Variants in AKR7A3 observed in about 807,000 individuals in gnomAD.
The protein encoded by AKR7A3 is AFB1 aldehyde reductase 2.
In AKR7A3, 37 loss-of-function variants were observed where a neutral mutation model predicts 32.5. The ratio of observed to expected loss-of-function variants is 1.14; its 90% confidence interval spans 0.88 to 1.50. The LOEUF (loss-of-function observed/expected upper bound fraction) is 1.50, where lower values mean the gene tolerates loss of function less well. AKR7A3 is among the 40% of genes most tolerant of loss of function. AKR7A3 has a pLI of 0.00. For missense variants in AKR7A3, 412 were observed against 453.2 expected, an observed-to-expected ratio of 0.91 and a Z score of 0.83; for synonymous variants, 177 against 188.4, an observed-to-expected ratio of 0.94 and a Z score of 0.50.
chr1:19,277,546 A>T, the AKR7A3 span, among the ~76,000 whole-genome samples: 40 of 151,732 alleles, frequency 2.6e-4, no homozygotes, highest in Non-Finnish European at 4.7e-4. Context: ...TTTTGAGACA[A>T]AGTCTCGCTC....
chr1:19,283,961 A>C, intron 6 of AKR7A3, 35 bp downstream of exon 6: 1 of 1,612,010 alleles, frequency 6.2e-7, no homozygotes, highest in Non-Finnish European at 8.5e-7. Flanking sequence ...TTCCCCTGGA[A>C]GGGAAGAAGC....
At chr1:19,278,069 T>C (rs1451036474), downstream of AKR7A3, among the ~76,000 whole-genome samples, 3 of 151,892 alleles carry the variant, frequency 2.0e-5, no homozygotes, top group African/African-American at 7.3e-5. Context: ...TACTCCAGTA[T>C]TTTCTTCTAA....
downstream of AKR7A3, among the ~76,000 whole-genome samples, chr1:19,281,109 C>T (rs757608877): frequency 4.6e-5 from 7 of 150,802 alleles, no homozygotes; most frequent in South Asian, 2.1e-4. Flanking sequence ...GGCCTGATCT[C>T]GGCTCACTGC....
chr1:19,277,721 A>G (rs1480223365), downstream of AKR7A3, among the ~76,000 whole-genome samples: 1 of 151,898 alleles, frequency 6.6e-6, no homozygotes, highest in African/African-American at 2.4e-5. Context: ...GCGTCTCGCC[A>G]TGTTGGCCAG....
At chr1:19,284,165 TTGG>T in intron 5 of AKR7A3, 40 bp from the exon 6 acceptor site, 1 of 1,580,316 alleles carries the variant, frequency 6.3e-7, no homozygotes, top group East Asian at 2.2e-5. Flanking sequence ...CAGGGCCACA[TTGG>T]GAGCCACAAC....
chr1:19,288,092 T>G (rs2093734081), intron 1 of AKR7A3, among the ~76,000 whole-genome samples: 1 of 152,122 alleles, frequency 6.6e-6, no homozygotes, highest in South Asian at 2.1e-4. Flanking sequence ...TGCCAGGCGG[T>G]AAGAACAGAA....
chr1:19,287,903 C>G (rs1408545625), intron 1 of AKR7A3, among the ~76,000 whole-genome samples: 2 of 152,174 alleles, frequency 1.3e-5, no homozygotes, highest in Non-Finnish European at 2.9e-5. Flanking sequence ...CACCCCAATC[C>G]CTCATCCCCC....
chr1:19,282,895 G>T lies in AKR7A3; in HGVS notation c.835-3C>A, dbSNP rs778889368. ...ATGACCGCGTCCCCGTGGGCACCCT[G>T]CAAGGGAGACGGCCAGACTTCAACC... On this transcript the variant is annotated splice_polypyrimidine_tract_variant and splice_region_variant and intron_variant, in intron 6 of 6. Coordinates refer to ENST00000361640, the MANE Select transcript of AKR7A3 (RefSeq NM_012067.3). 2 of 1,610,500 alleles carry T rather than the reference G, an allele frequency of 1.2e-6. No homozygotes were observed. The highest frequency in any genetic ancestry group is 1.7e-6 in the Non-Finnish European group (2 of 1,177,960).
At position 19,285,038 on chromosome 1, in the gene AKR7A3, T is replaced by C. The variant is rs762117723; in HGVS notation, c.584A>G (p.Tyr195Cys). 4 of 1,612,794 alleles carry C rather than the reference T, an allele frequency of 2.5e-6. No individual in the cohort carries two copies. The highest frequency in any genetic ancestry group is 2.2e-5 in the East Asian group (1 of 44,864). Residue 195 changes from tyrosine to cysteine, a missense_variant, in exon 4 of 7, where the codon TAT becomes TGT. By Grantham distance (194) the Tyr-to-Cys change is radical. Coordinates refer to ENST00000361640, the MANE Select transcript of AKR7A3 (RefSeq NM_012067.3). ...CGTACCAGCCAGAGGGTTGAAGGCA[T>C]AGAACCTCAGTCCAAAGTGCCTGAG... ...PCLRHFGLRF[Y>C]AFNPLAGGLL...
At chr1:19,286,488 G>A in intron 1 of AKR7A3, 116 bp from the exon 2 acceptor site, 1 of 1,041,808 alleles carries the variant, frequency 9.6e-7, no homozygotes, top group Non-Finnish European at 1.4e-6. Flanking sequence ...AAGACCAGCT[G>A]GACCAACATG....
chr1:19,276,215 A>T, the AKR7A3 span, among the ~76,000 whole-genome samples: 2 of 151,534 alleles, frequency 1.3e-5, no homozygotes, highest in African/African-American at 4.9e-5. Flanking sequence ...GCAAAAAATT[A>T]GCCAGGCGTG....
chr1:19,284,741 T>C lies in AKR7A3; in HGVS notation c.649A>G (p.Lys217Glu). Residue 217 changes from lysine to glutamate, a missense_variant, in exon 5 of 7, where the codon AAA (lysine) becomes GAA (glutamate). Physicochemically the swap from Lys to Glu is moderately conservative, Grantham distance 56. Transcript: ENST00000361640. ...CCAAAGAAGCGGCCCACGGGCTGTTTCCCATTCTTGTCCTCATACTTGTAC... is the reference window on the plus strand; with the variant it reads ...CCAAAGAAGCGGCCCACGGGCTGTTCCCCATTCTTGTCCTCATACTTGTAC... ...GKYKYEDKNGKQPVGRFFGNT... is the reference protein window; with the variant it reads ...GKYKYEDKNGEQPVGRFFGNT... 1 of 1,613,822 alleles carries C rather than the reference T, an allele frequency of 6.2e-7. No individual in the cohort carries two copies. The highest frequency in any genetic ancestry group is 8.5e-7 in the Non-Finnish European group (1 of 1,180,002).
chr1:19,288,435 C>A, intron 1 of AKR7A3, 61 bp downstream of exon 1: 1 of 1,570,762 alleles, frequency 6.4e-7, no homozygotes, highest in East Asian at 2.3e-5. Context: ...CGGGGCGGTA[C>A]ACGGCTGTGG....
downstream of AKR7A3, among the ~76,000 whole-genome samples, chr1:19,277,677 C>T (rs980677477): frequency 1.7e-4 from 26 of 151,882 alleles, 1 homozygote; most frequent in Non-Finnish European, 1.5e-4. Context: ...TGTGCCACCA[C>T]ACCTGGCTAA....
chr1:19,285,811 G>C (rs1391818347), intron 3 of AKR7A3, 77 bp downstream of exon 3: 2 of 1,568,100 alleles, frequency 1.3e-6, no homozygotes, highest in Non-Finnish European at 1.8e-6. Context: ...GGGCACAGGG[G>C]GCAGTCAGAG....
the AKR7A3 span, among the ~76,000 whole-genome samples, chr1:19,276,252 C>G: frequency 6.7e-6 from 1 of 150,188 alleles, no homozygotes; most frequent in African/African-American, 2.5e-5. Flanking sequence ...ATCCCAGCTA[C>G]TCGGGAGGCT....
intron 1 of AKR7A3, among the ~76,000 whole-genome samples, chr1:19,286,974 G>T (rs1298869311): frequency 6.6e-6 from 1 of 151,560 alleles, no homozygotes; most frequent in African/African-American, 2.4e-5. Flanking sequence ...GACAAAGAAG[G>T]ATTAAAAAAG....
the AKR7A3 span, chr1:19,274,323 C>T: frequency 1.9e-5 from 12 of 620,088 alleles, no homozygotes; most frequent in African/African-American, 7.9e-5. Flanking sequence ...CGGTGACTCG[C>T]GTCTTGGAGA....
chr1:19,284,293 TG>T (rs1462397883), intron 5 of AKR7A3, among the ~76,000 whole-genome samples, 168 bp from the exon 6 acceptor site: 1 of 151,960 alleles, frequency 6.6e-6, no homozygotes. Flanking sequence ...CTCAGGATGC[TG>T]GGCCCCTCAG....
Sources: allele counts gnomAD v4.1 joint callset (sites outside exome capture counted in the v4.1 genomes callset), GRCh38; gene constraint gnomAD v4.1.1; transcripts MANE v1.5; gene names NCBI Gene and HGNC (gene_info 2026-07-23, HGNC 2026-07-21).